Variants in DSC3 observed in about 807,000 individuals in gnomAD.
DSC3 encodes the protein desmocollin-3.
A neutral mutation model predicts 89.5 loss-of-function variants in DSC3; 97 were observed. That is an observed-to-expected ratio of 1.08 (90% confidence interval 0.92 to 1.28). The LOEUF (loss-of-function observed/expected upper bound fraction) is 1.28. Ranked by LOEUF, DSC3 falls within the 50% of genes most tolerant of loss-of-function variation. The pLI is 0.00. For synonymous variants in DSC3, 436 were observed against 384.1 expected, an observed-to-expected ratio of 1.14 and a Z score of -1.58; for missense variants, 1,199 against 1,085.3, an observed-to-expected ratio of 1.10 and a Z score of -1.47.
At chr18:30,996,770 A>G (rs201528599) in intron 15 of DSC3, 21 bp downstream of exon 15, 72 of 1,612,076 alleles carry the variant, frequency 4.5e-5, no homozygotes, top group Non-Finnish European at 5.9e-5. Context: ...TTTTAGACTC[A>G]AAACACCTAA....
rs1179273405 is a variant in DSC3, at chr18:31,018,247, A to G, written c.1087T>C (p.Phe363Leu). The part of the protein sequence containing the change: ...PTFRQNAYEA[F>L]VEENAFNVEI... Reference sequence around the variant, plus strand: ...ACATTGAATGCATTTTCCTCTACAAATGCTTCATACTGAAACAGAAAGAAG... The same window carrying G: ...ACATTGAATGCATTTTCCTCTACAAGTGCTTCATACTGAAACAGAAAGAAG... Residue 363 changes from phenylalanine to leucine, a missense_variant, in exon 9 of 16, where the codon TTT becomes CTT. By Grantham distance (22) the Phe-to-Leu change is conservative. Transcript: ENST00000360428. 2 of 1,610,132 alleles carry G rather than the reference A, an allele frequency of 1.2e-6. No individual in the cohort carries two copies. Among genetic ancestry groups the G allele is most frequent in the Non-Finnish European group, 1.7e-6 (2 of 1,178,492 alleles).
Position 30,993,411 on chromosome 18 carries a change from T to C in DSC3, c.*764A>G, listed in dbSNP as rs958274707. ...TACAATTTTAAACAAATTACACAAA[T>C]TGGACAGGAACTATTTCCTCATAGA... On this transcript the variant is annotated 3_prime_UTR_variant, in exon 16 of 16. Coordinates refer to ENST00000360428, the MANE Select transcript of DSC3 (RefSeq NM_001941.5). The C allele has an allele frequency of 6.6e-6, 1 of 152,204 alleles. No homozygotes were observed. Among genetic ancestry groups the C allele is most frequent in the Admixed American group, 6.5e-5 (1 of 15,282 alleles). 9.4% of individuals were successfully genotyped at this position (152,204 alleles called of 1,614,324 possible). A position where few individuals can be genotyped will look rare whatever the true frequency, so the allele number is the denominator to read the frequency against.
rs1984164141 is a variant in DSC3, at chr18:30,989,565, T to C, written c.*4610A>G. ...AACATTTTAAATGTACTAAAGTCAC[T>C]GAATTATACACTTTAAAATGGTGAA... is the stretch of plus-strand genomic sequence containing the variant. On this transcript the variant is annotated 3_prime_UTR_variant, in exon 16 of 16. Transcript: ENST00000360428. Among the ~76,000 whole-genome samples, 1 of 152,196 alleles carries C rather than the reference T, an allele frequency of 6.6e-6. No homozygotes were observed. The highest frequency in any genetic ancestry group is 1.5e-5 in the Non-Finnish European group (1 of 68,030).
chr18:31,009,824 T>G (rs1397139370), intron 9 of DSC3, among the ~76,000 whole-genome samples: 5 of 152,372 alleles, frequency 3.3e-5, no homozygotes, highest in Non-Finnish European at 7.3e-5. Flanking sequence ...AGCTTGAATT[T>G]GAAGCCAGGT....
intron 6 of DSC3, among the ~76,000 whole-genome samples, chr18:31,023,240 T>C (rs114436311): frequency 0.011 from 1,714 of 152,254 alleles, 34 homozygotes; most frequent in African/African-American, 0.039. Flanking sequence ...TGTAATGTCA[T>C]AGAATTGTGA....
rs1184291484 is a variant in DSC3 at position 31,022,394 on chromosome 18, A to G, written c.884T>C (p.Phe295Ser). Residue 295 changes from phenylalanine (F) to serine (S), a missense_variant, in exon 7 of 16, where the codon TTT becomes TCT. Transcript: ENST00000360428. ...LQQTPRSPGL[F>S]SVHPSTGVIT... ...TACGCCTGTGCTGGGATGCACAGAA[A>G]AGAGCCCAGGTGACCTTGGTGTCTG... is the stretch of plus-strand genomic sequence containing the variant. 1.9e-6 allele frequency: 3 copies of G among 1,613,924 alleles called. No homozygotes were observed. The highest frequency in any genetic ancestry group is 2.5e-6 in the Non-Finnish European group (3 of 1,179,966).
At chr18:31,002,548 A>G (rs1010251636) in intron 13 of DSC3, among the ~76,000 whole-genome samples, 2 of 152,046 alleles carry the variant, frequency 1.3e-5, no homozygotes, top group Non-Finnish European at 2.9e-5. Flanking sequence ...TAAAAATACA[A>G]AATTAGCCGG....
rs950830889 is a variant in DSC3 at position 30,996,573 on chromosome 18, T to C, written c.2493+218A>G. Reference sequence around the variant, plus strand: ...AGTGAAGAATATTAAAAACATCCTATATTTATGGGATTTTATAAATTAAAT... The same window carrying C: ...AGTGAAGAATATTAAAAACATCCTACATTTATGGGATTTTATAAATTAAAT... On this transcript the variant is annotated intron_variant, in intron 15 of 15. Coordinates refer to ENST00000360428, the MANE Select transcript of DSC3 (RefSeq NM_001941.5). Among the ~76,000 whole-genome samples, 3 of 152,068 alleles carry C rather than the reference T, an allele frequency of 2.0e-5. No homozygotes were observed. In the East Asian group the frequency reaches 5.8e-4, roughly 29 times the overall value.
Position 30,993,962 on chromosome 18 carries a change from G to T in DSC3, c.*213C>A. The T allele has an allele frequency of 2.0e-6, 1 of 500,070 alleles. No individual in the cohort carries two copies. The highest frequency in any genetic ancestry group is 3.6e-6 in the Non-Finnish European group (1 of 277,142). 31.0% of individuals were successfully genotyped at this position (500,070 alleles called of 1,614,324 possible). A position where few individuals can be genotyped will look rare whatever the true frequency, so the allele number is the denominator to read the frequency against. On this transcript the variant is annotated 3_prime_UTR_variant, in exon 16 of 16. Transcript: ENST00000360428. ...TTTAGAGACCTTAATTCCAGTGCTG[G>T]AGTTTGAGATTTACCAGTTGTCTGT...
At chr18:31,016,350 C>T (rs1268937856) in intron 9 of DSC3, among the ~76,000 whole-genome samples, 1 of 152,106 alleles carries the variant, frequency 6.6e-6, no homozygotes, top group Non-Finnish European at 1.5e-5. Context: ...AATTCTTTTC[C>T]AGGTGAAGCC....
chr18:30,997,075 T>C (rs1289648139), intron 14 of DSC3, 27 bp from the exon 15 acceptor site: 1 of 1,613,834 alleles, frequency 6.2e-7, no homozygotes, highest in Non-Finnish European at 8.5e-7. Flanking sequence ...AAATAATTCA[T>C]GTTGAGAGGA....
intron 9 of DSC3, among the ~76,000 whole-genome samples, chr18:31,013,047 A>T (rs1985122972): frequency 6.6e-6 from 1 of 152,228 alleles, no homozygotes; most frequent in South Asian, 2.1e-4. Context: ...ACAAAGGAAG[A>T]TCACTAGGTA....
At chr18:31,033,693 T>C (rs1457016046) in intron 1 of DSC3, among the ~76,000 whole-genome samples, 1 of 152,228 alleles carries the variant, frequency 6.6e-6, no homozygotes, top group Non-Finnish European at 1.5e-5. Context: ...TGATTTATTA[T>C]GTACAACACC....
intron 7 of DSC3, among the ~76,000 whole-genome samples, chr18:31,019,768 C>T (rs138446209): frequency 6.6e-5 from 10 of 152,092 alleles, no homozygotes; most frequent in South Asian, 2.1e-4. Context: ...GCAGCCTGAG[C>T]GACAGAGCTA....
chr18:30,998,151 T>C (rs1984539727), intron 14 of DSC3, among the ~76,000 whole-genome samples: 1 of 152,178 alleles, frequency 6.6e-6, no homozygotes, highest in Non-Finnish European at 1.5e-5. Context: ...TTTAAGTTCA[T>C]GGAGATCAGA....
intron 9 of DSC3, among the ~76,000 whole-genome samples, chr18:31,017,089 C>T (rs537069943): frequency 1.3e-5 from 2 of 152,170 alleles, no homozygotes; most frequent in South Asian, 2.1e-4. Flanking sequence ...AACTATAAAG[C>T]ATAATGGGTT....
Position 31,036,798 on chromosome 18 carries a change from C to CTTTTTTTTTTTTTTTTTTTT in DSC3, c.70-4523_70-4522insAAAAAAAAAAAAAAAAAAAA, listed in dbSNP as rs775187201. ...TATTTCCTTTTTGCTTTCTTTCTTC[C>CTTTTTTTTTTTTTTTTTTTT]TTTTTTTTTTTTGAGATGGAATCTT... On this transcript the variant is annotated intron_variant, in intron 1 of 15. Coordinates refer to ENST00000360428, the MANE Select transcript of DSC3 (RefSeq NM_001941.5). Among the ~76,000 whole-genome samples, 199 of 107,350 alleles carry CTTTTTTTTTTTTTTTTTTTT rather than the reference C, an allele frequency of 1.9e-3. 13 individuals carry two copies. Among genetic ancestry groups the CTTTTTTTTTTTTTTTTTTTT allele is most frequent in the South Asian group, 2.8e-3 (7 of 2,512 alleles). 70.4% of individuals were successfully genotyped at this position (107,350 alleles called of 152,430 possible). A position where few individuals can be genotyped will look rare whatever the true frequency, so the allele number is the denominator to read the frequency against.
rs778241208 is a variant in DSC3 at position 31,001,653 on chromosome 18, T to C, written c.2200A>G (p.Ile734Val). 1.2e-6 allele frequency: 2 copies of C among 1,611,500 alleles called. No individual in the cohort carries two copies. Among genetic ancestry groups the C allele is most frequent in the East Asian group, 2.2e-5 (1 of 44,712 alleles). Residue 734 changes from isoleucine (I) to valine (V), a missense_variant, in exon 14 of 16, where the codon ATA (isoleucine) becomes GTA (valine). Physicochemically the swap from Ile to Val is conservative, Grantham distance 29. Coordinates refer to ENST00000360428, the MANE Select transcript of DSC3 (RefSeq NM_001941.5). ...TCTCCAGGTGCTTCTGTGTTTGATA[T>C]AATTAAGTTTTGCTGTGCTAAATCT... ...PEDLAQQNLI[I>V]SNTEAPGDDR...
intron 5 of DSC3, among the ~76,000 whole-genome samples, chr18:31,024,787 C>G (rs1221279586): frequency 6.6e-6 from 1 of 152,120 alleles, no homozygotes; most frequent in African/African-American, 2.4e-5. Flanking sequence ...TAAATTCTCT[C>G]TATAATCAGA....
Sources: gnomAD v4.1 joint callset for allele counts (sites outside exome capture counted in the v4.1 genomes callset) on GRCh38, gnomAD v4.1.1 for gene constraint, MANE v1.5 for transcripts, NCBI Gene and HGNC (gene_info 2026-07-23, HGNC 2026-07-21) for gene names.